Variants in NCKAP5 observed in about 807,000 individuals in gnomAD.
The protein encoded by NCKAP5 is NCK associated protein 5.
NCKAP5 carries 92 observed loss-of-function variants against 167.0 expected under a neutral mutation model. The ratio of observed to expected loss-of-function variants is 0.55; its 90% CI spans 0.47 to 0.66. The LOEUF is 0.66. Among genes scored for constraint, NCKAP5 ranks in the 30% least tolerant of loss-of-function variants. The probability of loss-of-function intolerance (pLI) is 0.00; values close to 1 mark genes in which losing one functional copy is unlikely to be tolerated. For synonymous variants in NCKAP5, 891 were observed against 877.4 expected, an observed-to-expected ratio of 1.02 and a Z score of -0.27; for missense variants, 2,378 against 2,315.0, an observed-to-expected ratio of 1.03 and a Z score of -0.56.
At chr2:132,887,556 C>T (rs1449707143) in intron 8 of NCKAP5, among the ~76,000 whole-genome samples, 1 of 152,166 alleles carries the variant, frequency 6.6e-6, no homozygotes, top group Non-Finnish European at 1.5e-5. Context: ...ACAGCGCACA[C>T]CATCTCAAGA....
chr2:132,851,988 T>C (rs969780107), intron 11 of NCKAP5, among the ~76,000 whole-genome samples: 1 of 152,230 alleles, frequency 6.6e-6, no homozygotes, highest in Non-Finnish European at 1.5e-5. Flanking sequence ...CTGATAGCAA[T>C]GGACAGTCCA....
chr2:133,400,138 T>C (rs1270930296), intron 3 of NCKAP5, among the ~76,000 whole-genome samples: 1 of 152,148 alleles, frequency 6.6e-6, no homozygotes, highest in Non-Finnish European at 1.5e-5. Context: ...TTATCCATCC[T>C]TTTACAGATT....
At chr2:132,674,719 T>C (rs533394438) in intron 19 of NCKAP5, among the ~76,000 whole-genome samples, 89 of 152,338 alleles carry the variant, frequency 5.8e-4, no homozygotes, top group African/African-American at 2.0e-3. Flanking sequence ...GGATGGCTTC[T>C]GTGTTCCAAG....
intron 3 of NCKAP5, among the ~76,000 whole-genome samples, chr2:133,457,115 T>C (rs966279672): frequency 1.2e-4 from 18 of 152,168 alleles, no homozygotes; most frequent in African/African-American, 4.1e-4. Context: ...AGGTACATGA[T>C]GAAGACAGAG....
chr2:132,826,963 T>C (rs926220643), intron 11 of NCKAP5, among the ~76,000 whole-genome samples: 6 of 152,112 alleles, frequency 3.9e-5, no homozygotes, highest in African/African-American at 7.2e-5. Context: ...AGAGAAAGTA[T>C]TGGTACTTAG....
intron 8 of NCKAP5, among the ~76,000 whole-genome samples, chr2:132,939,739 C>T (rs1438434325): frequency 1.3e-5 from 2 of 152,134 alleles, no homozygotes; most frequent in African/African-American, 4.8e-5. Context: ...GTGGCTCACA[C>T]CTGTAATCCC....
chr2:133,251,536 A>T (rs1204594518), intron 4 of NCKAP5, among the ~76,000 whole-genome samples: 1 of 149,840 alleles, frequency 6.7e-6, no homozygotes, highest in Non-Finnish European at 1.5e-5. Context: ...CATTTAGCAC[A>T]TAGCAGATGC....
At chr2:132,992,070 A>G (rs2077465644) in intron 7 of NCKAP5, among the ~76,000 whole-genome samples, 1 of 152,184 alleles carries the variant, frequency 6.6e-6, no homozygotes, top group Admixed American at 6.5e-5. Context: ...GAAGTTCAGT[A>G]AGTGTTTGTT....
At chr2:132,911,715 G>A (rs1167680285) in intron 8 of NCKAP5, among the ~76,000 whole-genome samples, 2 of 152,188 alleles carry the variant, frequency 1.3e-5, no homozygotes, top group Non-Finnish European at 2.9e-5. Context: ...GCCCTCCTAT[G>A]TGAACTCCAT....
rs1253633397 is a variant in NCKAP5 at position 133,566,470 on chromosome 2, A to G, written c.-130+1746T>C. ...AGTTCTCTTTGGTTTGCTAGTGAAA[A>G]CAATGAGGAACAGACACCTTAAGAA... On this transcript the variant is annotated intron_variant, in intron 1 of 19. Transcript: ENST00000409261. Among the ~76,000 whole-genome samples the G allele has an allele frequency of 2.0e-5, 3 of 152,222 alleles. No individual in the cohort carries two copies. In the East Asian group the frequency reaches 5.8e-4, roughly 29 times the overall value.
At chr2:133,204,566 C>T (rs1434226) in intron 5 of NCKAP5, among the ~76,000 whole-genome samples, 76,907 of 151,948 alleles carry the variant, frequency 0.51, 19,767 homozygotes, top group African/African-American at 0.53. Context: ...GTTTGACTTT[C>T]TCATTTTTAG....
At chr2:133,089,652 T>C (rs2081108159) in intron 6 of NCKAP5, among the ~76,000 whole-genome samples, 2 of 152,246 alleles carry the variant, frequency 1.3e-5, no homozygotes, top group South Asian at 4.1e-4. Flanking sequence ...AAAACATATC[T>C]TGTGTCTATA....
At chr2:132,804,817 G>A (rs1685309814) in intron 11 of NCKAP5, among the ~76,000 whole-genome samples, 1 of 151,992 alleles carries the variant, frequency 6.6e-6, no homozygotes, top group Non-Finnish European at 1.5e-5. Context: ...GGCATCTGAA[G>A]TCACAATGCT....
intron 3 of NCKAP5, among the ~76,000 whole-genome samples, chr2:133,310,783 G>T (rs1240080070): frequency 6.6e-6 from 1 of 152,168 alleles, no homozygotes; most frequent in Non-Finnish European, 1.5e-5. Flanking sequence ...TGAATTAATT[G>T]TCTGGATGTA....
At chr2:133,205,622 T>C (rs2085913408) in intron 5 of NCKAP5, among the ~76,000 whole-genome samples, 2 of 152,134 alleles carry the variant, frequency 1.3e-5, no homozygotes, top group Admixed American at 1.3e-4. Context: ...ATTTTCATAG[T>C]AATATTTGTA....
chr2:133,276,927 A>G (rs886174444), intron 4 of NCKAP5, among the ~76,000 whole-genome samples: 1 of 152,146 alleles, frequency 6.6e-6, no homozygotes, highest in African/African-American at 2.4e-5. Context: ...AATCTAAAGG[A>G]AAAAAATTAC....
chr2:133,440,091 G>C (rs1690739476), intron 3 of NCKAP5, among the ~76,000 whole-genome samples: 1 of 152,120 alleles, frequency 6.6e-6, no homozygotes, highest in Non-Finnish European at 1.5e-5. Flanking sequence ...TGGTGACTGT[G>C]TAAATTGACT....
chr2:132,987,015 G>C (rs2077308579), intron 7 of NCKAP5, among the ~76,000 whole-genome samples: 1 of 152,154 alleles, frequency 6.6e-6, no homozygotes, highest in African/African-American at 2.4e-5. Context: ...TTTTGGGTTA[G>C]ATGAAAGTTG....
At chr2:133,372,706 T>C (rs1247944078) in intron 3 of NCKAP5, among the ~76,000 whole-genome samples, 3 of 152,242 alleles carry the variant, frequency 2.0e-5, no homozygotes, top group Non-Finnish European at 4.4e-5. Flanking sequence ...TAGTGGTAGA[T>C]TTTAGGACCC....
Sources: gnomAD v4.1 joint callset for allele counts (sites outside exome capture counted in the v4.1 genomes callset) on GRCh38, gnomAD v4.1.1 for gene constraint, MANE v1.5 for transcripts, NCBI Gene and HGNC (gene_info 2026-07-23, HGNC 2026-07-21) for gene names.